Variants in RET observed in about 807,000 individuals in gnomAD.
RET encodes the protein ret proto-oncogene.
Under a neutral mutation model 118.3 loss-of-function variants are expected in RET, and 19 were observed. The ratio of observed to expected loss-of-function variants is 0.16; its 90% confidence interval spans 0.11 to 0.24. RET has a LOEUF of 0.24. Among genes scored for constraint, RET ranks in the 10% least tolerant of loss-of-function variants. The pLI is 1.00. For synonymous variants in RET, 597 were observed against 644.1 expected (o/e 0.93, Z 1.11); for missense variants, 1,219 against 1,502.1 (o/e 0.81, Z 3.12).
At chr10:43,121,561 G>C (rs754022578) in intron 15 of RET, among the ~76,000 whole-genome samples, 1 of 152,218 alleles carries the variant, frequency 6.6e-6, no homozygotes. Flanking sequence ...TGCTGGCAAA[G>C]TGCCCAACAT....
intron 1 of RET, among the ~76,000 whole-genome samples, chr10:43,095,991 C>T (rs1183824283): frequency 1.3e-5 from 2 of 152,198 alleles, no homozygotes; most frequent in East Asian, 1.9e-4. Flanking sequence ...TTTGCACCGT[C>T]GGTGGGTGTG....
At chr10:43,123,912 T>TG (rs201104591) in intron 17 of RET, 104 bp downstream of exon 17, 3 of 1,552,214 alleles carry the variant, frequency 1.9e-6, no homozygotes, top group Non-Finnish European at 1.8e-6. Flanking sequence ...CCAGGAGAAG[T>TG]GGGGGGTGGG....
chr10:43,100,836 G>A (rs1325921785), intron 2 of RET, 114 bp downstream of exon 2: 7 of 1,205,060 alleles, frequency 5.8e-6, no homozygotes, highest in Non-Finnish European at 8.3e-6. Flanking sequence ...CACCGCTGGT[G>A]TGGAAGGCGT....
At chr10:43,113,010 G>C (rs760428117) in intron 9 of RET, 47 bp downstream of exon 9, 5 of 1,508,608 alleles carry the variant, frequency 3.3e-6, no homozygotes, top group Non-Finnish European at 4.6e-6. Context: ...GAGATAGTAG[G>C]GGAAACCTGG....
Position 43,110,177 on chromosome 10 carries a change from G to A in RET, c.1263+947G>A, listed in dbSNP as rs1043995179. On this transcript the variant is annotated intron_variant, in intron 6 of 19. Transcript: ENST00000355710. ...GGCCCCGGGGGGTCTCATGGGGGGCGGGGCAAGAGCAGGCATTGCTGAAGT... is the reference window on the plus strand; with the variant it reads ...GGCCCCGGGGGGTCTCATGGGGGGCAGGGCAAGAGCAGGCATTGCTGAAGT... 6.6e-5 allele frequency among the ~76,000 whole-genome samples: 10 copies of A among 151,972 alleles called. No homozygotes were observed. The East Asian group carries it at 1.7e-3, about 27-fold the overall frequency.
chr10:43,109,017 G>T lies in RET; in HGVS notation c.1064-14G>T, dbSNP rs375815926. 207 of 1,610,526 alleles carry T rather than the reference G, an allele frequency of 1.3e-4. No homozygotes were observed. The highest frequency in any genetic ancestry group is 1.7e-4 in the Non-Finnish European group (204 of 1,179,838). ...AGAGCAGCTTGGTGGTCATTGTTGT[G>T]CCCCTACCTGCAGGGCTGGTTCTCA... On this transcript the variant is annotated splice_polypyrimidine_tract_variant and intron_variant, in intron 5 of 19. Transcript: ENST00000355710.
At chr10:43,097,770 C>T (rs1837551544) in intron 1 of RET, among the ~76,000 whole-genome samples, 1 of 152,180 alleles carries the variant, frequency 6.6e-6, no homozygotes, top group African/African-American at 2.4e-5. Context: ...CTTCCAGGCT[C>T]CCCTTGGCAC....
chr10:43,088,708 C>T (rs1048635202), intron 1 of RET, among the ~76,000 whole-genome samples: 1 of 152,090 alleles, frequency 6.6e-6, no homozygotes. Flanking sequence ...GTCCCTTGCT[C>T]CAGGCTCATT....
rs1205703835 is a variant in RET, at chr10:43,102,489, C to T, written c.485C>T (p.Pro162Leu). 6.2e-7 allele frequency: 1 copy of T among 1,614,210 alleles called. No homozygotes were observed. Among genetic ancestry groups the T allele is most frequent in the East Asian group, 2.2e-5 (1 of 44,882 alleles). ...TSFPACSSLK[P>L]RELCFPETRP... ...TTTCCAGCCTGCAGCTCCCTCAAGCCCCGGGAGCTCTGCTTCCCAGAGACA... is the reference window on the plus strand; with the variant it reads ...TTTCCAGCCTGCAGCTCCCTCAAGCTCCGGGAGCTCTGCTTCCCAGAGACA... The change falls in exon 3 of 20, where the codon CCC becomes CTC. Residue 162 changes from proline (P) to leucine (L), a missense_variant. Around this residue, in one of 5 missense-constraint regions of RET, gnomAD observed 850 missense variants for 969.6 expected, o/e 0.88. Transcript: ENST00000355710.
In RET at chr10:43,102,402, G is replaced by A. The variant is rs138265837; in HGVS notation, c.398G>A (p.Arg133His). 2.5e-5 allele frequency: 41 copies of A among 1,614,220 alleles called. No individual in the cohort carries two copies. The African/African-American group carries it at 3.9e-4, about 15-fold the overall frequency. The change falls in exon 3 of 20, where the codon CGT becomes CAT. Residue 133 changes from arginine (R) to histidine (H), a missense_variant. Physicochemically the swap from Arg to His is conservative, Grantham distance 29. Transcript: ENST00000355710. The stretch of plus-strand genomic sequence containing the variant: ...GTCTTCCTGTCACCCACATCCCTTC[G>A]TGAGGGCGAGTGCCAGTGGCCAGGC... Reference protein sequence around the residue: ...LKVFLSPTSLREGECQWPGCA... With the variant: ...LKVFLSPTSLHEGECQWPGCA...
chr10:43,119,734 G>A lies in RET; in HGVS notation c.2596G>A (p.Ala866Thr), dbSNP rs1334494092. Residue 866 changes from alanine (A) to threonine (T), a missense_variant, in exon 14 of 20, where the codon GCC becomes ACC. Ala to Thr is a moderately conservative substitution (Grantham distance 58). Around this residue, in one of 5 missense-constraint regions of RET, gnomAD observed 73 missense variants for 156.5 expected, o/e 0.47. Transcript: ENST00000355710. ...GATCTCACAGGGGATGCAGTATCTG[G>A]CCGAGATGAAGGTGCGTGCATATGG... ...WQISQGMQYL[A>T]EMKLVHRDLA... 6.2e-7 allele frequency: 1 copy of A among 1,613,262 alleles called. No homozygotes were observed. The highest frequency in any genetic ancestry group is 8.5e-7 in the Non-Finnish European group (1 of 1,179,936).
At chr10:43,126,815 T>G (rs1411506322) in intron 19 of RET, 93 bp downstream of exon 19, 1 of 1,546,146 alleles carries the variant, frequency 6.5e-7, no homozygotes, top group Non-Finnish European at 8.8e-7. Flanking sequence ...ATGTTTCTGG[T>G]CTGAACAAAA....
intron 9 of RET, 90 bp downstream of exon 9, chr10:43,113,053 G>A (rs2132819536): frequency 2.8e-6 from 3 of 1,057,870 alleles, no homozygotes; most frequent in South Asian, 2.6e-5. Context: ...AGTTGCCAGG[G>A]CTGTCAGTTC....
At chr10:43,120,263 G>T in intron 15 of RET, 60 bp downstream of exon 15, 1 of 1,603,488 alleles carries the variant, frequency 6.2e-7, no homozygotes, top group Non-Finnish European at 8.5e-7. Context: ...CATGGGGCAG[G>T]CAGTGCCCTT....
chr10:43,084,836 C>G (rs1429181895), intron 1 of RET, among the ~76,000 whole-genome samples: 1 of 152,084 alleles, frequency 6.6e-6, no homozygotes, highest in Non-Finnish European at 1.5e-5. Flanking sequence ...CAGGAACCGC[C>G]CTGTGAAGGA....
chr10:43,111,569 G>C (rs2132780963), intron 7 of RET, 104 bp downstream of exon 7: 1 of 1,343,972 alleles, frequency 7.4e-7, no homozygotes. Flanking sequence ...GCTTAGCTGG[G>C]GAGTGGGGAA....
intron 12 of RET, 52 bp downstream of exon 12, chr10:43,116,783 G>C (rs1314150785): frequency 2.7e-6 from 3 of 1,100,110 alleles, no homozygotes; most frequent in Non-Finnish European, 4.2e-6. Flanking sequence ...CGGGGCGGGG[G>C]GCGGGTGAGG....
At chr10:43,102,056 A>T (rs1837652813) in intron 2 of RET, among the ~76,000 whole-genome samples, 1 of 152,144 alleles carries the variant, frequency 6.6e-6, no homozygotes, top group Non-Finnish European at 1.5e-5. Context: ...CCACCATCAG[A>T]GTTGGGGAGC....
intron 1 of RET, among the ~76,000 whole-genome samples, chr10:43,081,698 CT>C (rs1195654056): frequency 2.0e-5 from 3 of 152,174 alleles, no homozygotes; most frequent in Non-Finnish European, 4.4e-5. Context: ...GGGGAGGTCC[CT>C]TGGGGTCCAT....
Sources: gnomAD v4.1 joint callset for allele counts (sites outside exome capture counted in the v4.1 genomes callset) on GRCh38, gnomAD v4.1.1 for gene constraint, gnomAD v4.1.1 regional missense constraint, MANE v1.5 for transcripts, NCBI Gene and HGNC (gene_info 2026-07-23, HGNC 2026-07-21) for gene names.